Variants in PRKG1 observed in about 807,000 individuals in gnomAD.
The protein encoded by PRKG1 is protein kinase cGMP-dependent 1, also known as cGMP-dependent protein kinase 1.
A neutral mutation model predicts 88.1 loss-of-function variants in PRKG1; 35 were observed. The ratio of observed to expected loss-of-function variants is 0.40; its 90% CI spans 0.30 to 0.53. The LOEUF is 0.53. PRKG1 is among the 20% of genes least tolerant of loss of function. PRKG1 has a pLI of 0.59. For missense variants in PRKG1, 540 were observed against 839.8 expected, an observed-to-expected ratio of 0.64 and a Z score of 4.41; for synonymous variants, 303 against 292.5, an observed-to-expected ratio of 1.04 and a Z score of -0.37.
intron 3 of PRKG1, among the ~76,000 whole-genome samples, chr10:51,760,132 G>A (rs1280003700): frequency 1.3e-5 from 2 of 152,090 alleles, no homozygotes; most frequent in East Asian, 3.9e-4. Flanking sequence ...TGATGTGGCT[G>A]TGTTTTATTC....
At chr10:51,906,930 A>G (rs1415178920) in intron 4 of PRKG1, among the ~76,000 whole-genome samples, 1 of 152,176 alleles carries the variant, frequency 6.6e-6, no homozygotes, top group East Asian at 1.9e-4. Flanking sequence ...GGAATTTGGT[A>G]TCTTATTTCT....
intron 2 of PRKG1, among the ~76,000 whole-genome samples, chr10:51,373,099 A>G (rs370573813): frequency 7.2e-5 from 11 of 152,298 alleles, no homozygotes; most frequent in Middle Eastern, 3.4e-3. Flanking sequence ...TCGATTCACT[A>G]ATCACACAAA....
At chr10:52,155,330 C>T (rs187338245) in intron 8 of PRKG1, among the ~76,000 whole-genome samples, 1 of 152,116 alleles carries the variant, frequency 6.6e-6, no homozygotes, top group Non-Finnish European at 1.5e-5. Context: ...ATATTCTTAA[C>T]AGTTAAGGAT....
intron 3 of PRKG1, among the ~76,000 whole-genome samples, chr10:51,526,813 T>C (rs909821795): frequency 9.2e-5 from 14 of 152,192 alleles, no homozygotes; most frequent in Non-Finnish European, 1.9e-4. Context: ...TCCAGCATTT[T>C]CAGGTGTTCT....
At chr10:51,590,716 C>A (rs2132206650) in intron 3 of PRKG1, among the ~76,000 whole-genome samples, 1 of 152,126 alleles carries the variant, frequency 6.6e-6, no homozygotes. Flanking sequence ...AAAGCTGTGT[C>A]ATCAAGCACA....
rs142342322 is a variant in PRKG1 at position 52,216,597 on chromosome 10, C to T, written c.1077-34973C>T. 5.3e-3 allele frequency among the ~76,000 whole-genome samples: 813 copies of T among 152,294 alleles called. 11 individuals carry two copies. Among genetic ancestry groups the T allele is most frequent in the African/African-American group, 0.018 (764 of 41,570 alleles). ...GCCCCAGAATTAGATGCAGTTAATA[C>T]AGCCAGGTCTGCAGAGCATTGTAGA... On this transcript the variant is annotated intron_variant, in intron 9 of 17. Coordinates refer to ENST00000373980, the MANE Select transcript of PRKG1 (RefSeq NM_006258.4).
rs575223276 is a variant in PRKG1, at chr10:51,230,696, T to C, written c.478+77366T>C. The stretch of plus-strand genomic sequence containing the variant: ...CTTATGCACATCCTACCATATACTT[T>C]AAATCATCTCTAAATTACTTATAAT... On this transcript the variant is annotated intron_variant, in intron 2 of 17. Coordinates refer to ENST00000373980, the MANE Select transcript of PRKG1 (RefSeq NM_006258.4). 2.0e-5 allele frequency among the ~76,000 whole-genome samples: 3 copies of C among 152,208 alleles called. No homozygotes were observed. In the South Asian group the frequency reaches 6.2e-4, roughly 32 times the overall value.
intron 5 of PRKG1, among the ~76,000 whole-genome samples, chr10:51,923,545 CT>C (rs573696476): frequency 4.1e-4 from 59 of 144,378 alleles, no homozygotes; most frequent in African/African-American, 5.3e-4. Context: ...ACTTCTATTT[CT>C]TTTTTTTTTT....
chr10:52,157,333 A>ATATG (rs1838148386), intron 8 of PRKG1, among the ~76,000 whole-genome samples: 2 of 119,840 alleles, frequency 1.7e-5, no homozygotes, highest in Non-Finnish European at 3.4e-5. Context: ...ATATATATAT[A>ATATG]TATATGTATA....
At chr10:51,981,386 G>C (rs1426499943) in intron 5 of PRKG1, among the ~76,000 whole-genome samples, 2 of 152,090 alleles carry the variant, frequency 1.3e-5, no homozygotes, top group Non-Finnish European at 2.9e-5. Context: ...AGGAGTTCAA[G>C]ACCAGCTGGC....
At chr10:51,091,362 AC>A (rs1465573957) in intron 1 of PRKG1, among the ~76,000 whole-genome samples, 1 of 152,150 alleles carries the variant, frequency 6.6e-6, no homozygotes, top group Non-Finnish European at 1.5e-5. Context: ...ATTTCCTGGA[AC>A]CCAATTGCAG....
chr10:51,347,857 C>A (rs184555249), intron 2 of PRKG1, among the ~76,000 whole-genome samples: 1 of 151,964 alleles, frequency 6.6e-6, no homozygotes, highest in Non-Finnish European at 1.5e-5. Context: ...GTCAGGAGAT[C>A]GAGACCATCC....
chr10:51,760,455 C>A (rs950796242), intron 3 of PRKG1, among the ~76,000 whole-genome samples: 1 of 148,710 alleles, frequency 6.7e-6, no homozygotes, highest in East Asian at 2.0e-4. Context: ...TTTATTAAGT[C>A]TATTGCTTGA....
chr10:51,795,078 G>C (rs962959179), intron 3 of PRKG1, among the ~76,000 whole-genome samples: 48 of 152,020 alleles, frequency 3.2e-4, no homozygotes, highest in African/African-American at 1.1e-3. Context: ...GGTCCTTCTA[G>C]TATCCTTAAC....
At chr10:52,291,922 C>T (rs999892369) in intron 17 of PRKG1, among the ~76,000 whole-genome samples, 2 of 152,096 alleles carry the variant, frequency 1.3e-5, no homozygotes, top group African/African-American at 4.8e-5. Flanking sequence ...CTGTTGTTTC[C>T]TGACTTTTTA....
intron 4 of PRKG1, among the ~76,000 whole-genome samples, chr10:51,880,766 T>C (rs1436887813): frequency 6.6e-5 from 10 of 151,306 alleles, no homozygotes; most frequent in Admixed American, 6.6e-4. Flanking sequence ...ACAAGAACAC[T>C]AATGTATGAG....
At chr10:51,666,207 G>C (rs1419037492) in intron 3 of PRKG1, among the ~76,000 whole-genome samples, 2 of 152,134 alleles carry the variant, frequency 1.3e-5, no homozygotes, top group Admixed American at 1.3e-4. Flanking sequence ...CCTTTATTCT[G>C]ACAAGCATTG....
chr10:51,481,213 G>C (rs528683338), intron 3 of PRKG1, among the ~76,000 whole-genome samples: 6 of 103,802 alleles, frequency 5.8e-5, no homozygotes, highest in Admixed American at 4.4e-4. Context: ...CCCTCCTTTC[G>C]TTCCTTCCTT....
At chr10:51,479,073 T>C (rs1840283175) in intron 3 of PRKG1, among the ~76,000 whole-genome samples, 1 of 151,978 alleles carries the variant, frequency 6.6e-6, no homozygotes, top group Admixed American at 6.6e-5. Flanking sequence ...AAAGATGTAA[T>C]CTTTTATTTA....
Sources: allele counts gnomAD v4.1 joint callset (sites outside exome capture counted in the v4.1 genomes callset), GRCh38; gene constraint gnomAD v4.1.1; transcripts MANE v1.5; gene names NCBI Gene and HGNC (gene_info 2026-07-23, HGNC 2026-07-21).